The following MOBP variants were observed in gnomAD, a reference collection of about 807,000 sequenced individuals.
MOBP encodes the protein myelin-associated oligodendrocyte basic protein.
MOBP carries 5 observed loss-of-function variants against 15.0 expected under a neutral mutation model. The observed-to-expected ratio is 0.33, with a 90% CI of 0.17 to 0.70. The LOEUF is 0.70. Ranked by LOEUF, MOBP falls within the 30% of genes least tolerant of loss-of-function variation. The pLI is 0.67. For missense variants in MOBP, 188 were observed against 257.8 expected, an observed-to-expected ratio of 0.73 and a Z score of 1.85; for synonymous variants, 88 against 99.0, an observed-to-expected ratio of 0.89 and a Z score of 0.66.
In MOBP at chr3:39,482,491, A is replaced by G. The variant is rs537681015; in HGVS notation, c.-5+2368A>G. On this transcript the variant is annotated intron_variant, in intron 2 of 3. Coordinates refer to ENST00000684792, the MANE Select transcript of MOBP (RefSeq NM_001393704.1). ...ATGGTGAAACCCCGTCTCTACTAAA[A>G]ATATAAAAAAATTAGCCGGCCGTGG... is the stretch of plus-strand genomic sequence containing the variant. 7.9e-5 allele frequency among the ~76,000 whole-genome samples: 12 copies of G among 152,066 alleles called. No homozygotes were observed. In the East Asian group the frequency reaches 2.3e-3, roughly 29 times the overall value.
chr3:39,489,244 A>G (rs1029880740), intron 2 of MOBP, among the ~76,000 whole-genome samples: 1 of 152,128 alleles, frequency 6.6e-6, no homozygotes, highest in Non-Finnish European at 1.5e-5. Flanking sequence ...TCATTGCTAT[A>G]TTGTCTCCTA....
intron 2 of MOBP, among the ~76,000 whole-genome samples, chr3:39,500,880 C>T (rs1353047789): frequency 3.3e-5 from 5 of 152,104 alleles, no homozygotes; most frequent in Non-Finnish European, 1.5e-5. Context: ...TTACATAAAA[C>T]TATTTTTGCA....
downstream of MOBP, among the ~76,000 whole-genome samples, chr3:39,517,413 G>A (rs1380045140): frequency 6.6e-6 from 1 of 152,036 alleles, no homozygotes; most frequent in Non-Finnish European, 1.5e-5. Flanking sequence ...GAGTACCCTG[G>A]GGTACTTGGA....
intron 3 of MOBP, among the ~76,000 whole-genome samples, chr3:39,521,167 C>G (rs1419029428): frequency 6.6e-6 from 1 of 152,092 alleles, no homozygotes; most frequent in East Asian, 1.9e-4. Context: ...CCAGGTTCGC[C>G]TTGAACTCCT....
At chr3:39,517,859 G>T (rs1205478792), downstream of MOBP, 4 of 152,112 alleles carry the variant, frequency 2.6e-5, no homozygotes, top group Admixed American at 6.5e-5. Flanking sequence ...ACAAATTTAT[G>T]TAAAAGTATT....
chr3:39,513,484 A>C, exon 5 of MOBP: 1 of 1,504,096 alleles, frequency 6.6e-7, no homozygotes, highest in Non-Finnish European at 9.2e-7. Flanking sequence ...TTCACAACCC[A>C]TCTACCCCTG....
chr3:39,521,111 G>A (rs115083709), intron 3 of MOBP, among the ~76,000 whole-genome samples: 2,443 of 152,118 alleles, frequency 0.016, 27 homozygotes, highest in Non-Finnish European at 0.026. Context: ...ACCACACCCA[G>A]CGAATTTTTT....
chr3:39,468,881 A>G lies in MOBP; in HGVS notation c.-89+1141A>G, dbSNP rs954044428. On this transcript the variant is annotated intron_variant, in intron 1 of 3. Coordinates refer to ENST00000684792, the MANE Select transcript of MOBP (RefSeq NM_001393704.1). ...AGTGTGTATATATACATATATACATATGTGTGTGTATATATACATATATAC... is the reference window on the plus strand; with the variant it reads ...AGTGTGTATATATACATATATACATGTGTGTGTGTATATATACATATATAC... Among the ~76,000 whole-genome samples, 20 of 111,780 alleles carry G rather than the reference A, an allele frequency of 1.8e-4. 2 individuals carry two copies. Among genetic ancestry groups the G allele is most frequent in the South Asian group, 5.5e-4 (2 of 3,620 alleles). 73.3% of individuals were successfully genotyped at this position (111,780 alleles called of 152,430 possible).
intron 1 of MOBP, among the ~76,000 whole-genome samples, chr3:39,470,439 T>C (rs553599632): frequency 5.5e-4 from 84 of 152,200 alleles, no homozygotes; most frequent in African/African-American, 2.0e-3. Flanking sequence ...GAGAAGAAAA[T>C]TGAGATCCAG....
At chr3:39,480,945 A>T (rs1041938770) in intron 2 of MOBP, among the ~76,000 whole-genome samples, 2 of 152,216 alleles carry the variant, frequency 1.3e-5, no homozygotes, top group African/African-American at 4.8e-5. Context: ...TCCCATTACA[A>T]GTCTTCTTTC....
At chr3:39,492,948 CT>C in intron 2 of MOBP, among the ~76,000 whole-genome samples, 1 of 152,302 alleles carries the variant, frequency 6.6e-6, no homozygotes, top group East Asian at 1.9e-4. Context: ...ACCCTTCATT[CT>C]GCAAACTCTA....
chr3:39,510,161 C>T (rs2043101325), intron 4 of MOBP, among the ~76,000 whole-genome samples: 1 of 151,996 alleles, frequency 6.6e-6, no homozygotes, highest in Non-Finnish European at 1.5e-5. Context: ...TATTTCTAGA[C>T]TTTCTATTTT....
At chr3:39,519,344 T>G (rs2043238690), downstream of MOBP, among the ~76,000 whole-genome samples, 1 of 152,206 alleles carries the variant, frequency 6.6e-6, no homozygotes, top group South Asian at 2.1e-4. Flanking sequence ...ATGGAGATCA[T>G]TAAGGATCTC....
intron 4 of MOBP, among the ~76,000 whole-genome samples, chr3:39,512,656 A>G (rs920330357): frequency 3.3e-5 from 5 of 152,218 alleles, no homozygotes; most frequent in African/African-American, 7.2e-5. Flanking sequence ...TGTGATCCTC[A>G]TAAGTTTTGT....
At chr3:39,487,129 G>T (rs905923631) in intron 2 of MOBP, among the ~76,000 whole-genome samples, 1 of 151,682 alleles carries the variant, frequency 6.6e-6, no homozygotes, top group South Asian at 2.1e-4. Context: ...AAAATGTAGG[G>T]ATAGTCTTGC....
At chr3:39,496,412 G>T (rs1411085878) in intron 2 of MOBP, among the ~76,000 whole-genome samples, 1 of 151,776 alleles carries the variant, frequency 6.6e-6, no homozygotes, top group East Asian at 1.9e-4. Flanking sequence ...TGTTAGCCAG[G>T]ATGGTCTTGA....
At chr3:39,491,023 T>A (rs187318644) in intron 2 of MOBP, among the ~76,000 whole-genome samples, 141 of 152,310 alleles carry the variant, frequency 9.3e-4, no homozygotes, top group African/African-American at 3.2e-3. Context: ...TTTGTGAATT[T>A]ATGGGGGAAA....
intron 2 of MOBP, among the ~76,000 whole-genome samples, chr3:39,486,640 C>T (rs2042715199): frequency 6.6e-6 from 1 of 152,040 alleles, no homozygotes; most frequent in African/African-American, 2.4e-5. Context: ...TAACTTTTAC[C>T]CATCTGATTC....
At chr3:39,494,690 C>T (rs2042849747) in intron 2 of MOBP, among the ~76,000 whole-genome samples, 1 of 150,990 alleles carries the variant, frequency 6.6e-6, no homozygotes, top group African/African-American at 2.4e-5. Context: ...TAAATGAATT[C>T]TCATCTGTGA....
Sources: gnomAD v4.1 joint callset for allele counts (sites outside exome capture counted in the v4.1 genomes callset) on GRCh38, gnomAD v4.1.1 for gene constraint, MANE v1.5 for transcripts, NCBI Gene and HGNC (gene_info 2026-07-23, HGNC 2026-07-21) for gene names.